The following ADARB2 variants were observed in gnomAD, a reference collection of about 807,000 sequenced individuals.
ADARB2 encodes the protein adenosine deaminase RNA specific B2 (inactive), also known as inactive double-stranded RNA-specific editase B2.
A neutral mutation model predicts 62.2 loss-of-function variants in ADARB2; 25 were observed. That is an observed-to-expected ratio of 0.40 (90% CI 0.29 to 0.56). The LOEUF is 0.56. Among genes scored for constraint, ADARB2 ranks in the 20% least tolerant of loss-of-function variants. The pLI is 0.43. For missense variants in ADARB2, 1,071 were observed against 1,077.4 expected, an observed-to-expected ratio of 0.99 and a Z score of 0.08; for synonymous variants, 572 against 500.8, an observed-to-expected ratio of 1.14 and a Z score of -1.90.
chr10:1,428,348 G>A (rs545661660), intron 1 of ADARB2, among the ~76,000 whole-genome samples: 145 of 148,418 alleles, frequency 9.8e-4, no homozygotes, highest in African/African-American at 3.5e-3. Context: ...GTGCAGTGGT[G>A]CTATCTCGGC....
intron 1 of ADARB2, among the ~76,000 whole-genome samples, chr10:1,462,461 G>C (rs1831187333): frequency 6.6e-6 from 1 of 152,260 alleles, no homozygotes; most frequent in South Asian, 2.1e-4. Flanking sequence ...CTTTCAGAAT[G>C]GGATGAGGCT....
intron 1 of ADARB2, among the ~76,000 whole-genome samples, chr10:1,571,853 TGAGTATGCAGGTGAGTGTGCAGGC>T (rs1243840904): frequency 7.3e-6 from 1 of 137,436 alleles, no homozygotes; most frequent in African/African-American, 2.8e-5. Context: ...AGTGGGCAGG[TGAGTATGCAGGTGAGTGTGCAGGC>T]GAGTAGGCAG....
chr10:1,481,644 G>C (rs1054218023), intron 1 of ADARB2, among the ~76,000 whole-genome samples: 2 of 148,140 alleles, frequency 1.4e-5, no homozygotes, highest in African/African-American at 2.5e-5. Flanking sequence ...GGATCACGAG[G>C]TCAGGAGTTC....
intron 6 of ADARB2, among the ~76,000 whole-genome samples, chr10:1,219,035 G>C (rs1229753181): frequency 1.5e-5 from 2 of 129,840 alleles, no homozygotes; most frequent in Admixed American, 1.8e-4. Context: ...GGGCGACAGA[G>C]CAAGACTACG....
At chr10:1,344,114 C>T (rs1193177662) in intron 3 of ADARB2, among the ~76,000 whole-genome samples, 3 of 152,284 alleles carry the variant, frequency 2.0e-5, no homozygotes, top group African/African-American at 4.8e-5. Flanking sequence ...CACCTGTGGC[C>T]GTGAGTCCTC....
intron 4 of ADARB2, among the ~76,000 whole-genome samples, chr10:1,264,965 CT>C (rs1336314746): frequency 2.0e-5 from 3 of 152,178 alleles, no homozygotes; most frequent in African/African-American, 7.2e-5. Flanking sequence ...ACATGACCCC[CT>C]AATGTACTCT....
intron 1 of ADARB2, among the ~76,000 whole-genome samples, chr10:1,566,162 T>C (rs1832860882): frequency 6.6e-6 from 1 of 151,010 alleles, no homozygotes; most frequent in South Asian, 2.1e-4. Flanking sequence ...TATTTTGTAA[T>C]TGTTTGTAAG....
At chr10:1,189,788 C>T (rs1406223191) in intron 8 of ADARB2, among the ~76,000 whole-genome samples, 2 of 138,370 alleles carry the variant, frequency 1.4e-5, no homozygotes, top group Admixed American at 7.1e-5. Flanking sequence ...GTGGCGCTAC[C>T]TCCTTCCCCA....
At chr10:1,570,516 T>G (rs539800733) in intron 1 of ADARB2, among the ~76,000 whole-genome samples, 1 of 152,214 alleles carries the variant, frequency 6.6e-6, no homozygotes, top group Admixed American at 6.5e-5. Flanking sequence ...CCTGGTGGCT[T>G]CAGGATTTGC....
At chr10:1,551,393 C>T (rs4880868) in intron 1 of ADARB2, among the ~76,000 whole-genome samples, 87,756 of 151,988 alleles carry the variant, frequency 0.58, 25,652 homozygotes, top group East Asian at 0.76. Context: ...ACCTGTTGTC[C>T]GGGCTGCCAC....
intron 1 of ADARB2, among the ~76,000 whole-genome samples, chr10:1,689,882 G>A (rs932937837): frequency 6.6e-6 from 1 of 152,156 alleles, no homozygotes; most frequent in Non-Finnish European, 1.5e-5. Context: ...TTACGTAGGG[G>A]TCTCTATTTT....
At chr10:1,401,861 G>A (rs112900046) in intron 1 of ADARB2, among the ~76,000 whole-genome samples, 36 of 152,308 alleles carry the variant, frequency 2.4e-4, no homozygotes, top group African/African-American at 7.7e-4. Flanking sequence ...ACAGGTGCTA[G>A]TGCCCAGAGC....
At chr10:1,526,513 C>G (rs187436427) in intron 1 of ADARB2, 1 of 167,430 alleles carries the variant, frequency 6.0e-6, no homozygotes, top group African/African-American at 2.4e-5. Flanking sequence ...AGTTCTTGCT[C>G]TGTGTGTTGC....
rs577926916 is a variant in ADARB2, at chr10:1,376,048, A to G, written c.187+3026T>C. Among the ~76,000 whole-genome samples, 1,395 of 151,938 alleles carry G rather than the reference A, an allele frequency of 9.2e-3. 26 individuals are homozygous for G. Among genetic ancestry groups the G allele is most frequent in the African/African-American group, 0.031 (1,270 of 41,376 alleles). ...CACCCCACACACGTGCACGTACCAC[A>G]CACCACACATACCACATGCATGAAC... is the stretch of plus-strand genomic sequence containing the variant. On this transcript the variant is annotated intron_variant, in intron 2 of 9. Coordinates refer to ENST00000381312, the MANE Select transcript of ADARB2 (RefSeq NM_018702.4).
chr10:1,310,726 A>G (rs1831682202), intron 3 of ADARB2, among the ~76,000 whole-genome samples: 1 of 151,978 alleles, frequency 6.6e-6, no homozygotes, highest in Non-Finnish European at 1.5e-5. Flanking sequence ...AGAGGGGAGG[A>G]GGCTCTCCAG....
intron 1 of ADARB2, among the ~76,000 whole-genome samples, chr10:1,409,402 T>C (rs1832736223): frequency 6.6e-6 from 1 of 152,248 alleles, no homozygotes; most frequent in Non-Finnish European, 1.5e-5. Flanking sequence ...GTGGGGCGTG[T>C]GGCTTGGCCA....
intron 3 of ADARB2, among the ~76,000 whole-genome samples, chr10:1,276,704 T>G (rs966645059): frequency 3.9e-5 from 6 of 151,942 alleles, no homozygotes; most frequent in African/African-American, 9.7e-5. Context: ...CAACGAGACA[T>G]AAAGTTAACA....
chr10:1,401,242 T>G (rs1401277797), intron 1 of ADARB2, among the ~76,000 whole-genome samples: 1 of 151,986 alleles, frequency 6.6e-6, no homozygotes, highest in Non-Finnish European at 1.5e-5. Context: ...GACGGCCCGG[T>G]GTGTGTGGTC....
intron 1 of ADARB2, among the ~76,000 whole-genome samples, chr10:1,499,538 C>T (rs141847103): frequency 8.8e-4 from 134 of 151,806 alleles, no homozygotes; most frequent in African/African-American, 3.0e-3. Context: ...ATTCATCACT[C>T]GCTCATGTCT....
Sources: allele counts gnomAD v4.1 joint callset (sites outside exome capture counted in the v4.1 genomes callset), GRCh38; gene constraint gnomAD v4.1.1; transcripts MANE v1.5; gene names NCBI Gene and HGNC (gene_info 2026-07-23, HGNC 2026-07-21).